Variants in ULK4 observed in about 807,000 individuals in gnomAD.
The protein encoded by ULK4 is inactive serine/threonine-protein kinase ULK4.
ULK4 carries 133 observed loss-of-function variants against 160.6 expected under a neutral mutation model. The observed-to-expected ratio is 0.83, with a 90% CI of 0.72 to 0.96. The LOEUF is 0.96. Among genes scored for constraint, ULK4 ranks in the 40% least tolerant of loss-of-function variants. ULK4 has a pLI of 0.00. For synonymous variants in ULK4, 534 were observed against 539.8 expected (o/e 0.99, Z 0.15); for missense variants, 1,580 against 1,499.5 (o/e 1.05, Z -0.89).
At chr3:41,655,156 A>T (rs2034883912) in intron 30 of ULK4, among the ~76,000 whole-genome samples, 1 of 151,866 alleles carries the variant, frequency 6.6e-6, no homozygotes, top group Non-Finnish European at 1.5e-5. Context: ...AAAAAAAAAA[A>T]TCGTTTAAAT....
rs1575786304 is a variant in ULK4 at position 41,830,014 on chromosome 3, G to T, written c.1764+5850C>A. On this transcript the variant is annotated intron_variant, in intron 18 of 36. Coordinates refer to ENST00000301831, the MANE Select transcript of ULK4 (RefSeq NM_017886.4). ...CTTTGTAGGGACATGGATGAAGCTG[G>T]AAACCATCATTCTAAGCAAACTATC... Among the ~76,000 whole-genome samples, 9 of 151,852 alleles carry T rather than the reference G, an allele frequency of 5.9e-5. No homozygotes were observed. In the South Asian group the frequency reaches 1.9e-3, roughly 32 times the overall value.
intron 35 of ULK4, among the ~76,000 whole-genome samples, chr3:41,269,871 G>C (rs9816029): frequency 0.31 from 46,839 of 151,964 alleles, 7,521 homozygotes; most frequent in Middle Eastern, 0.35. Context: ...TTAACTCTTT[G>C]GGGACTCATC....
intron 30 of ULK4, among the ~76,000 whole-genome samples, chr3:41,635,256 T>C (rs1349229853): frequency 1.3e-5 from 2 of 152,132 alleles, no homozygotes; most frequent in Non-Finnish European, 2.9e-5. Context: ...TTGAAACCAT[T>C]GAAAAGGCTA....
At chr3:41,626,107 T>A (rs951693095) in intron 30 of ULK4, among the ~76,000 whole-genome samples, 1 of 152,198 alleles carries the variant, frequency 6.6e-6, no homozygotes, top group South Asian at 2.1e-4. Flanking sequence ...CTTACAAAGT[T>A]TGGGTTCAGA....
At chr3:41,695,069 T>A (rs1002841829) in intron 27 of ULK4, among the ~76,000 whole-genome samples, 2 of 152,190 alleles carry the variant, frequency 1.3e-5, no homozygotes. Flanking sequence ...GCTTCCAAGA[T>A]GGCATCCTTT....
chr3:41,411,702 T>G (rs1216068522), intron 34 of ULK4, among the ~76,000 whole-genome samples: 2 of 152,154 alleles, frequency 1.3e-5, no homozygotes, highest in African/African-American at 2.4e-5. Flanking sequence ...CCAAGTGCTG[T>G]GATTAACGGC....
intron 32 of ULK4, among the ~76,000 whole-genome samples, chr3:41,506,902 T>C (rs191418513): frequency 4.7e-5 from 7 of 147,444 alleles, no homozygotes; most frequent in South Asian, 4.4e-4. Flanking sequence ...AGAATGCGCA[T>C]TGGCGGGTAT....
In ULK4 at chr3:41,612,341, T is replaced by C. The variant is rs75269686; in HGVS notation, c.3120+3328A>G. Among the ~76,000 whole-genome samples, 548 of 152,314 alleles carry C rather than the reference T, an allele frequency of 3.6e-3. 2 individuals carry two copies. In the East Asian group the frequency reaches 0.04, roughly 11 times the overall value. On this transcript the variant is annotated intron_variant, in intron 31 of 36. Coordinates refer to ENST00000301831, the MANE Select transcript of ULK4 (RefSeq NM_017886.4). The stretch of plus-strand genomic sequence containing the variant: ...AGCCCTGTTCAAAGGTTACTCCTTC[T>C]GTGAGATTCTCCCACTTTTCCCAGA...
intron 21 of ULK4, among the ~76,000 whole-genome samples, chr3:41,758,958 A>G (rs550070514): frequency 3.0e-4 from 46 of 152,310 alleles, no homozygotes; most frequent in African/African-American, 1.1e-3. Context: ...ACTAATAAAA[A>G]ACCATTTTAC....
intron 27 of ULK4, among the ~76,000 whole-genome samples, chr3:41,682,874 C>T (rs2035968191): frequency 6.6e-6 from 1 of 152,136 alleles, no homozygotes; most frequent in South Asian, 2.1e-4. Context: ...TGATCAACAG[C>T]TATCTTAAAG....
intron 35 of ULK4, among the ~76,000 whole-genome samples, chr3:41,266,207 C>T (rs995213685): frequency 2.0e-5 from 3 of 152,162 alleles, no homozygotes; most frequent in East Asian, 1.9e-4. Flanking sequence ...GCCAGAGCAG[C>T]GGCTGGTGCA....
At chr3:41,497,435 G>A (rs536516623) in intron 32 of ULK4, among the ~76,000 whole-genome samples, 9 of 151,838 alleles carry the variant, frequency 5.9e-5, no homozygotes, top group Middle Eastern at 3.4e-3. Context: ...ATAATAATTG[G>A]GGTTCAAGAG....
intron 35 of ULK4, among the ~76,000 whole-genome samples, chr3:41,363,729 C>T (rs1311917766): frequency 6.6e-6 from 1 of 152,128 alleles, no homozygotes; most frequent in African/African-American, 2.4e-5. Context: ...TATCTGTGGG[C>T]ATGGGCATGC....
chr3:41,482,677 T>C (rs905070426), intron 32 of ULK4, among the ~76,000 whole-genome samples: 1 of 152,238 alleles, frequency 6.6e-6, no homozygotes, highest in Non-Finnish European at 1.5e-5. Flanking sequence ...CAAGTTACTT[T>C]CTTGACTCCA....
chr3:41,737,656 C>T (rs1032578702), intron 22 of ULK4, among the ~76,000 whole-genome samples: 2 of 151,818 alleles, frequency 1.3e-5, no homozygotes, highest in Non-Finnish European at 2.9e-5. Context: ...CTGTTGTTTT[C>T]CCCCATGCAG....
At chr3:41,484,577 G>A (rs1272864) in intron 32 of ULK4, among the ~76,000 whole-genome samples, 65,430 of 151,186 alleles carry the variant, frequency 0.43, 15,000 homozygotes, top group Non-Finnish European at 0.51. Flanking sequence ...CTCAGCCTCC[G>A]GAGTAGCTGG....
chr3:41,860,003 A>G (rs1031030791), intron 17 of ULK4, among the ~76,000 whole-genome samples: 8 of 151,796 alleles, frequency 5.3e-5, no homozygotes, highest in African/African-American at 1.9e-4. Flanking sequence ...CTGACCCACT[A>G]TTCAGGAGCA....
intron 30 of ULK4, among the ~76,000 whole-genome samples, chr3:41,649,471 G>T (rs550889313): frequency 1.7e-3 from 257 of 152,008 alleles, no homozygotes; most frequent in Middle Eastern, 0.01. Context: ...TGTACCCCCT[G>T]CCACCCCTAC....
intron 35 of ULK4, among the ~76,000 whole-genome samples, chr3:41,320,708 G>C (rs1430728448): frequency 6.6e-6 from 1 of 152,136 alleles, no homozygotes; most frequent in Non-Finnish European, 1.5e-5. Context: ...CTTGAGGTCA[G>C]GAGTTCCAGA....
Sources: allele counts gnomAD v4.1 joint callset (sites outside exome capture counted in the v4.1 genomes callset), GRCh38; gene constraint gnomAD v4.1.1; transcripts MANE v1.5; gene names NCBI Gene and HGNC (gene_info 2026-07-23, HGNC 2026-07-21).